The following CDK8 variants were observed in gnomAD, a reference collection of about 807,000 sequenced individuals.
CDK8 encodes cyclin dependent kinase 8, also known as cyclin-dependent kinase 8.
Under a neutral mutation model 71.5 loss-of-function variants are expected in CDK8, and 29 were observed. The ratio of observed to expected loss-of-function variants is 0.41; its 90% CI spans 0.30 to 0.55. The LOEUF is 0.55. Among genes scored for constraint, CDK8 ranks in the 20% least tolerant of loss-of-function variants. The pLI is 0.37. For missense variants in CDK8, 288 were observed against 572.6 expected (o/e 0.50, Z 5.07); for synonymous variants, 161 against 192.1 (o/e 0.84, Z 1.34).
At chr13:26,369,709 C>CTTTTTTT (rs36116401) in intron 4 of CDK8, among the ~76,000 whole-genome samples, 274 of 95,228 alleles carry the variant, frequency 2.9e-3, no homozygotes, top group South Asian at 6.2e-3. Flanking sequence ...TTCTTTCTTT[C>CTTTTTTT]TTTTTTTTTT....
At position 26,398,958 on chromosome 13, in the gene CDK8, A is replaced by G. The variant is rs550499595; in HGVS notation, c.934-1495A>G. 2.5e-4 allele frequency among the ~76,000 whole-genome samples: 31 copies of G among 126,060 alleles called. No individual in the cohort carries two copies. In the Middle Eastern group the frequency reaches 0.012, roughly 49 times the overall value. 82.7% of individuals were successfully genotyped at this position (126,060 alleles called of 152,430 possible). On this transcript the variant is annotated intron_variant, in intron 9 of 12. Coordinates refer to ENST00000381527, the MANE Select transcript of CDK8 (RefSeq NM_001260.3). ...TAGCCTGGCAACAAAGCAAGACTCT[A>G]TCTCAAAAAAAAAAAAAAATGTCTT...
intron 1 of CDK8, among the ~76,000 whole-genome samples, chr13:26,320,497 A>T (rs965187918): frequency 6.6e-6 from 1 of 152,190 alleles, no homozygotes; most frequent in East Asian, 1.9e-4. Context: ...TGGATATGGC[A>T]CAGGCAATAA....
chr13:26,378,259 G>A (rs1875047364), intron 4 of CDK8, among the ~76,000 whole-genome samples: 1 of 152,122 alleles, frequency 6.6e-6, no homozygotes, highest in African/African-American at 2.4e-5. Context: ...TTTTCCATCA[G>A]AGTTGGCTCC....
chr13:26,292,078 A>G (rs557787956), intron 1 of CDK8, among the ~76,000 whole-genome samples: 2 of 152,382 alleles, frequency 1.3e-5, no homozygotes, highest in East Asian at 3.9e-4. Flanking sequence ...TAAACAAAGC[A>G]AAGAAAATTG....
At chr13:26,355,788 G>C (rs1443218271) in intron 4 of CDK8, among the ~76,000 whole-genome samples, 4 of 152,012 alleles carry the variant, frequency 2.6e-5, no homozygotes, top group Admixed American at 1.3e-4. Context: ...AAAAAACTGT[G>C]GCTTAAGGAC....
Position 26,297,509 on chromosome 13 carries a change from A to C in CDK8, c.129-40058A>C, listed in dbSNP as rs146899943. On this transcript the variant is annotated intron_variant, in intron 1 of 12. Coordinates refer to ENST00000381527, the MANE Select transcript of CDK8 (RefSeq NM_001260.3). The stretch of plus-strand genomic sequence containing the variant: ...GGTTGCTGAGAATCGTCAACTTCAG[A>C]TTTCTAAATGGGATAGTCTTCCAGT... Among the ~76,000 whole-genome samples the C allele has an allele frequency of 2.4e-3, 371 of 152,232 alleles. 1 individual carries two copies. Among genetic ancestry groups the C allele is most frequent in the Non-Finnish European group, 4.4e-3 (299 of 68,014 alleles).
chr13:26,267,391 A>G (rs1053372982), intron 1 of CDK8, among the ~76,000 whole-genome samples: 10 of 152,218 alleles, frequency 6.6e-5, no homozygotes, highest in African/African-American at 1.7e-4. Flanking sequence ...TAAATTGTAC[A>G]TAAGAGTACC....
Position 26,404,009 on chromosome 13 carries a change from G to A in CDK8, c.1323G>A (p.Pro441=), listed in dbSNP as rs369358549. ...ACCCTGGACCAAGCACATCACAGCCGCAGAGCAGCATGGGATACTCAGCTA... is the reference window on the plus strand; with the variant it reads ...ACCCTGGACCAAGCACATCACAGCCACAGAGCAGCATGGGATACTCAGCTA... ...YPNPGPSTSQ[P]QSSMGYSATS... is the part of the protein sequence containing the mutation. Residue 441 remains proline, a synonymous_variant, in exon 13 of 13, where the codon CCG becomes CCA. Transcript: ENST00000381527. 1.9e-5 allele frequency: 31 copies of A among 1,613,654 alleles called. No homozygotes were observed. The highest frequency in any genetic ancestry group is 1.1e-4 in the East Asian group (5 of 44,888).
intron 4 of CDK8, among the ~76,000 whole-genome samples, chr13:26,373,778 G>T (rs892225038): frequency 6.6e-6 from 1 of 152,066 alleles, no homozygotes; most frequent in African/African-American, 2.4e-5. Flanking sequence ...GTAGCTAATT[G>T]TATTTCCTTA....
At chr13:26,355,158 T>G (rs1006268327) in intron 4 of CDK8, among the ~76,000 whole-genome samples, 10 of 152,242 alleles carry the variant, frequency 6.6e-5, no homozygotes. Flanking sequence ...TTCTTCTAGC[T>G]TTAGGGAATT....
chr13:26,368,013 T>G (rs1874472178), intron 4 of CDK8, among the ~76,000 whole-genome samples: 1 of 152,238 alleles, frequency 6.6e-6, no homozygotes, highest in African/African-American at 2.4e-5. Flanking sequence ...ATTTGCCATC[T>G]TACAAGGAGA....
At chr13:26,355,875 A>G (rs1268338878) in intron 4 of CDK8, among the ~76,000 whole-genome samples, 1 of 152,110 alleles carries the variant, frequency 6.6e-6, no homozygotes, top group East Asian at 1.9e-4. Context: ...TTTTCACTTG[A>G]AATACATATG....
At chr13:26,265,825 C>T (rs752992009) in intron 1 of CDK8, among the ~76,000 whole-genome samples, 3 of 151,996 alleles carry the variant, frequency 2.0e-5, no homozygotes, top group Non-Finnish European at 4.4e-5. Context: ...TACTTTCTTC[C>T]GAAGTCAGTG....
At chr13:26,291,260 A>G (rs528033063) in intron 1 of CDK8, among the ~76,000 whole-genome samples, 5 of 152,336 alleles carry the variant, frequency 3.3e-5, no homozygotes, top group African/African-American at 9.6e-5. Context: ...AGTAGGCTAT[A>G]CCATCTAGAT....
Position 26,392,946 on chromosome 13 carries a change from ACT to A in CDK8, c.647-420_647-419del, listed in dbSNP as rs138077570. Among the ~76,000 whole-genome samples the A allele has an allele frequency of 6.6e-3, 999 of 152,254 alleles. 9 individuals are homozygous for A. The highest frequency in any genetic ancestry group is 0.021 in the African/African-American group (865 of 41,542). On this transcript the variant is annotated intron_variant, in intron 6 of 12. Coordinates refer to ENST00000381527, the MANE Select transcript of CDK8 (RefSeq NM_001260.3). ...GTTAGGCGAGTGCCCAATTTCAAAT[ACT>A]GTTTGGGTTTTCCGTTTGTTTTTGT...
At chr13:26,356,214 G>A (rs751526320) in intron 4 of CDK8, among the ~76,000 whole-genome samples, 12 of 152,058 alleles carry the variant, frequency 7.9e-5, no homozygotes, top group South Asian at 2.1e-4. Context: ...TAATAATAAA[G>A]CACATTAAAA....
chr13:26,273,716 G>A (rs1469066221), intron 1 of CDK8, among the ~76,000 whole-genome samples: 1 of 151,406 alleles, frequency 6.6e-6, no homozygotes, highest in Non-Finnish European at 1.5e-5. Flanking sequence ...CTAGGTCTTC[G>A]GAGTTCATCT....
chr13:26,285,465 C>G (rs141996392), intron 1 of CDK8, among the ~76,000 whole-genome samples: 71 of 152,204 alleles, frequency 4.7e-4, no homozygotes, highest in African/African-American at 1.5e-3. Flanking sequence ...AAACCCTTAG[C>G]AAAATCAGTA....
At chr13:26,268,027 C>T (rs930041406) in intron 1 of CDK8, among the ~76,000 whole-genome samples, 3 of 152,126 alleles carry the variant, frequency 2.0e-5, no homozygotes, top group African/African-American at 7.2e-5. Context: ...GGTCAGTTTC[C>T]TAGGAATATC....
Sources: gnomAD v4.1 joint callset for allele counts (sites outside exome capture counted in the v4.1 genomes callset) on GRCh38, gnomAD v4.1.1 for gene constraint, MANE v1.5 for transcripts, NCBI Gene and HGNC (gene_info 2026-07-23, HGNC 2026-07-21) for gene names.